CD302: variants seen among roughly 807,000 people sequenced by gnomAD.
CD302 encodes CD302 antigen.
CD302 carries 23 observed loss-of-function variants against 26.5 expected under a neutral mutation model. The ratio of observed to expected loss-of-function variants is 0.87; its 90% CI spans 0.62 to 1.23. CD302 has a LOEUF of 1.23. Among genes scored for constraint, CD302 ranks in the 50% most tolerant of loss-of-function variants. CD302 has a pLI of 0.00. For synonymous variants in CD302, 90 were observed against 99.4 expected (o/e 0.91, Z 0.56); for missense variants, 290 against 275.5 (o/e 1.05, Z -0.37).
In CD302 at chr2:159,775,863, T is replaced by G. The variant is rs574761895; in HGVS notation, c.496+2075A>C. Among the ~76,000 whole-genome samples the G allele has an allele frequency of 5.3e-5, 8 of 151,630 alleles. No homozygotes were observed. The South Asian group carries it at 1.7e-3, about 32-fold the overall frequency. On this transcript the variant is annotated intron_variant, in intron 5 of 5. Transcript: ENST00000259053. ...TACTATAGGTAAGAATTATACAGAA[T>G]TTGGCCTTTTATGACTGGCTTATTT...
intron 5 of CD302, among the ~76,000 whole-genome samples, chr2:159,776,685 G>T (rs925625325): frequency 1.3e-5 from 2 of 149,038 alleles, no homozygotes; most frequent in Non-Finnish European, 3.0e-5. Context: ...ACTGGCAAAG[G>T]ACTCACATCC....
intron 4 of CD302, among the ~76,000 whole-genome samples, chr2:159,778,348 G>A (rs562518970): frequency 1.3e-5 from 2 of 152,302 alleles, no homozygotes; most frequent in South Asian, 2.1e-4. Context: ...TATTTCTGAT[G>A]TTTTGAAGTT....
intron 4 of CD302, among the ~76,000 whole-genome samples, chr2:159,779,624 CCTCT>C (rs1474819016): frequency 7.2e-6 from 1 of 138,474 alleles, no homozygotes; most frequent in Non-Finnish European, 1.6e-5. Context: ...AGTCTTATTC[CCTCT>C]ATTTTTTTTT....
chr2:159,780,909 G>T lies in CD302; in HGVS notation c.268C>A (p.Leu90Ile). The change falls in exon 3 of 6, where the codon CTA becomes ATA. Residue 90 changes from leucine (L) to isoleucine (I), a missense_variant. Coordinates refer to ENST00000259053, the MANE Select transcript of CD302 (RefSeq NM_014880.5). ...KKQWKGPDDI[L>I]LGMFYDTDDA... ...TCTGTGTCATAAAACATGCCTAGTA[G>T]GATATCATCTGGGCCTTTCCATTGC... 1 of 1,613,340 alleles carries T rather than the reference G, an allele frequency of 6.2e-7. No homozygotes were observed. The highest frequency in any genetic ancestry group is 8.5e-7 in the Non-Finnish European group (1 of 1,179,838).
At chr2:159,790,425 G>T (rs1005550170) in intron 1 of CD302, among the ~76,000 whole-genome samples, 4 of 152,070 alleles carry the variant, frequency 2.6e-5, no homozygotes, top group Non-Finnish European at 5.9e-5. Flanking sequence ...CACAGTTACA[G>T]GTACCTAGTA....
chr2:159,776,898 T>A (rs916181950), intron 5 of CD302, among the ~76,000 whole-genome samples: 19 of 152,022 alleles, frequency 1.2e-4, no homozygotes, highest in Non-Finnish European at 1.8e-4. Flanking sequence ...GCCCGGCCCA[T>A]ATCCAAATTT....
Position 159,771,741 on chromosome 2 carries a change from G to A in CD302, c.*110C>T. ...TACATAAAAATGTTACTGGAATAAGGAATACCATTAAAGCTCTAATATCCA... is the reference window on the plus strand; with the variant it reads ...TACATAAAAATGTTACTGGAATAAGAAATACCATTAAAGCTCTAATATCCA... On this transcript the variant is annotated 3_prime_UTR_variant, in exon 6 of 6. Transcript: ENST00000259053. The A allele has an allele frequency of 8.2e-7, 1 of 1,217,894 alleles. No homozygotes were observed. The highest frequency in any genetic ancestry group is 1.1e-6 in the Non-Finnish European group (1 of 872,582). The allele number at this position is 1,217,894 out of a possible 1,614,324, so 75.4% of individuals were successfully genotyped here. A position where few individuals can be genotyped will look rare whatever the true frequency, so the allele number is the denominator to read the frequency against.
At chr2:159,797,941 G>C (rs1682513546) in intron 1 of CD302, among the ~76,000 whole-genome samples, 191 bp downstream of exon 1, 1 of 152,212 alleles carries the variant, frequency 6.6e-6, no homozygotes, top group Non-Finnish European at 1.5e-5. Flanking sequence ...TCCCCTCCCC[G>C]AGGGCAGGCG....
intron 1 of CD302, among the ~76,000 whole-genome samples, chr2:159,790,995 C>G (rs1384788727): frequency 1.3e-5 from 2 of 152,004 alleles, no homozygotes; most frequent in Non-Finnish European, 2.9e-5. Context: ...ACATGTAGTT[C>G]TTATACTTTA....
chr2:159,774,592 A>G (rs1254762992), intron 5 of CD302, among the ~76,000 whole-genome samples: 2 of 152,114 alleles, frequency 1.3e-5, no homozygotes, highest in African/African-American at 4.8e-5. Context: ...CAAAAATTCA[A>G]CCCTTCACCT....
intron 1 of CD302, among the ~76,000 whole-genome samples, chr2:159,790,064 C>T (rs995067432): frequency 6.6e-6 from 1 of 152,190 alleles, no homozygotes; most frequent in Non-Finnish European, 1.5e-5. Flanking sequence ...AACAAGTTGT[C>T]AACAGTTGGT....
chr2:159,784,345 GCTTTTTT>G (rs1708604748), intron 1 of CD302, among the ~76,000 whole-genome samples: 1 of 89,474 alleles, frequency 1.1e-5, no homozygotes, highest in African/African-American at 4.1e-5. Context: ...TTTAAGTTCT[GCTTTTTT>G]TTTTTTTTTT....
chr2:159,796,806 T>TA (rs1237011699), intron 1 of CD302, among the ~76,000 whole-genome samples: 1 of 152,148 alleles, frequency 6.6e-6, no homozygotes, highest in Non-Finnish European at 1.5e-5. Flanking sequence ...TGATTTTCTT[T>TA]AAAAGTCTGA....
intron 5 of CD302, among the ~76,000 whole-genome samples, chr2:159,775,521 C>T (rs1322549169): frequency 1.3e-5 from 2 of 152,236 alleles, no homozygotes; most frequent in Admixed American, 6.5e-5. Context: ...TCCTGCTCCA[C>T]TACTCACCTG....
At position 159,780,018 on chromosome 2, in the gene CD302, T is replaced by C. The variant is rs1225868110; in HGVS notation, c.456A>G (p.Leu152=). 5.0e-6 allele frequency: 8 copies of C among 1,613,888 alleles called. No individual in the cohort carries two copies. Among genetic ancestry groups the C allele is most frequent in the Non-Finnish European group, 6.8e-6 (8 of 1,179,876 alleles). ...GGTCATACTTACTAGCTGTTTTGCA[T>C]AGTGTTCCTTCCACAGAAGAAACTT... ...NCEVSSVEGT[L]CKTAIPYKRK... is the part of the protein sequence containing the mutation. The change falls in exon 4 of 6, where the codon CTA becomes CTG. Residue 152 remains leucine, a synonymous_variant. Coordinates refer to ENST00000259053, the MANE Select transcript of CD302 (RefSeq NM_014880.5).
chr2:159,793,619 G>A (rs983594985), intron 1 of CD302, among the ~76,000 whole-genome samples: 2 of 152,190 alleles, frequency 1.3e-5, no homozygotes, highest in African/African-American at 4.8e-5. Flanking sequence ...CTGTGGCACA[G>A]ACAGATGAAG....
chr2:159,795,040 T>C (rs77693274), intron 1 of CD302, among the ~76,000 whole-genome samples: 1 of 150,802 alleles, frequency 6.6e-6, no homozygotes, highest in South Asian at 2.1e-4. Flanking sequence ...CTGGCCAACA[T>C]GGTGAAACCC....
chr2:159,788,280 T>G (rs1460699085), intron 1 of CD302, among the ~76,000 whole-genome samples: 18 of 152,222 alleles, frequency 1.2e-4, no homozygotes, highest in Admixed American at 1.1e-3. Context: ...AGGGTTCCCA[T>G]GAGGTTATAA....
At chr2:159,772,490 C>A (rs1390740635) in intron 5 of CD302, among the ~76,000 whole-genome samples, 1 of 152,138 alleles carries the variant, frequency 6.6e-6, no homozygotes, top group Non-Finnish European at 1.5e-5. Flanking sequence ...AACACCAAGA[C>A]CTGCAGTAAA....
Sources: allele counts gnomAD v4.1 joint callset (sites outside exome capture counted in the v4.1 genomes callset), GRCh38; gene constraint gnomAD v4.1.1; transcripts MANE v1.5; gene names NCBI Gene and HGNC (gene_info 2026-07-23, HGNC 2026-07-21).